TAB2: variants seen among roughly 807,000 people sequenced by gnomAD.
TAB2 encodes the protein TGF-beta-activated kinase 1 and MAP3K7-binding protein 2.
TAB2 carries 3 observed loss-of-function variants against 65.0 expected under a neutral mutation model. The ratio of observed to expected loss-of-function variants is 0.05; its 90% CI spans 0.02 to 0.12. The LOEUF is 0.12. Among genes scored for constraint, TAB2 ranks in the 10% least tolerant of loss-of-function variants. The probability of loss-of-function intolerance (pLI) is 1.00; values close to 1 mark genes in which losing one functional copy is unlikely to be tolerated. For missense variants in TAB2, 623 were observed against 840.3 expected (o/e 0.74, Z 3.20); for synonymous variants, 298 against 285.1 (o/e 1.05, Z -0.46).
At chr6:149,281,962 C>T (rs1381593717) in intron 1 of TAB2, among the ~76,000 whole-genome samples, 1 of 152,066 alleles carries the variant, frequency 6.6e-6, no homozygotes, top group African/African-American at 2.4e-5. Flanking sequence ...TGATCAATTA[C>T]ATTTATGCAT....
chr6:149,318,273 C>G (rs1186239036), intron 1 of TAB2, among the ~76,000 whole-genome samples: 4 of 146,082 alleles, frequency 2.7e-5, no homozygotes, highest in South Asian at 4.5e-4. Flanking sequence ...GGCGTCCGTG[C>G]GGGGGGGGAG....
At chr6:149,241,030 T>C (rs1777587248) in intron 1 of TAB2, among the ~76,000 whole-genome samples, 1 of 151,830 alleles carries the variant, frequency 6.6e-6, no homozygotes, top group African/African-American at 2.4e-5. Flanking sequence ...CACCAAGAGC[T>C]CTCTCACTCT....
intron 1 of TAB2, among the ~76,000 whole-genome samples, chr6:149,325,601 C>A (rs773747584): frequency 1.3e-5 from 2 of 152,094 alleles, no homozygotes; most frequent in African/African-American, 2.4e-5. Flanking sequence ...GTCCACAAAT[C>A]TATAATATAG....
chr6:149,383,356 T>A (rs561468919), intron 3 of TAB2, among the ~76,000 whole-genome samples: 1 of 152,298 alleles, frequency 6.6e-6, no homozygotes, highest in African/African-American at 2.4e-5. Context: ...CTCAAATTGC[T>A]TAACAGCCTT....
chr6:149,356,825 T>C (rs1212958678), intron 1 of TAB2, among the ~76,000 whole-genome samples: 1 of 152,236 alleles, frequency 6.6e-6, no homozygotes, highest in Admixed American at 6.5e-5. Context: ...GTGTGGAATT[T>C]AGGATTTTGT....
chr6:149,334,704 G>A (rs1303710681), intron 1 of TAB2, among the ~76,000 whole-genome samples: 13 of 151,852 alleles, frequency 8.6e-5, no homozygotes, highest in African/African-American at 2.4e-4. Context: ...AACCTTAAGA[G>A]TAGAACAAGC....
At chr6:149,234,571 AC>A (rs1777461191) in intron 1 of TAB2, among the ~76,000 whole-genome samples, 1 of 152,144 alleles carries the variant, frequency 6.6e-6, no homozygotes, top group South Asian at 2.1e-4. Flanking sequence ...ACAGTTGCCC[AC>A]CTCCTGCCGC....
At chr6:149,275,393 G>T (rs1030803233) in intron 1 of TAB2, among the ~76,000 whole-genome samples, 1 of 152,060 alleles carries the variant, frequency 6.6e-6, no homozygotes, top group African/African-American at 2.4e-5. Context: ...GTCAAGGCAG[G>T]AACAACTTGA....
At chr6:149,279,658 A>G (rs576887812) in intron 1 of TAB2, among the ~76,000 whole-genome samples, 47 of 152,286 alleles carry the variant, frequency 3.1e-4, no homozygotes, top group African/African-American at 1.1e-3. Context: ...TCTGGCCTGA[A>G]ATGCCAATTT....
At position 149,285,852 on chromosome 6, in the gene TAB2, T is replaced by C. The variant is rs78465209; in HGVS notation, c.-121+67076T>C. On this transcript the variant is annotated intron_variant, in intron 1 of 1. Coordinates refer to the TAB2 transcript ENST00000606202. ...TGGATTGCTGGCACCTCCCTGGAGT[T>C]TCTGATTCATGAGGTCATGGGGCCT... Among the ~76,000 whole-genome samples the C allele has an allele frequency of 6.2e-3, 947 of 152,232 alleles. 13 individuals are homozygous for C. Among genetic ancestry groups the C allele is most frequent in the African/African-American group, 0.022 (895 of 41,546 alleles).
Position 149,289,394 on chromosome 6 carries a change from T to TAA in TAB2, c.-121+70629_-121+70630dup, listed in dbSNP as rs35631773. Among the ~76,000 whole-genome samples, 201 of 146,764 alleles carry TAA rather than the reference T, an allele frequency of 1.4e-3. 2 individuals carry two copies. The highest frequency in any genetic ancestry group is 4.0e-3 in the African/African-American group (159 of 40,028). On this transcript the variant is annotated intron_variant, in intron 1 of 1. Transcript: ENST00000606202. ...GAGTGACATAGCAAGACCCTGTCTC[T>TAA]AAAAAAAAAAAAGGCCAAAGTCCTT...
At chr6:149,228,964 C>T (rs950309908) in intron 1 of TAB2, among the ~76,000 whole-genome samples, 3 of 152,126 alleles carry the variant, frequency 2.0e-5, no homozygotes, top group African/African-American at 7.2e-5. Flanking sequence ...AGAGAGGGCA[C>T]AGTGACCCCT....
chr6:149,372,497 T>G (rs1020662494), intron 2 of TAB2: 1 of 152,148 alleles, frequency 6.6e-6, no homozygotes, highest in Non-Finnish European at 1.5e-5. Flanking sequence ...ATAAAATAAT[T>G]AAGCTTTAAC....
intron 1 of TAB2, among the ~76,000 whole-genome samples, chr6:149,277,477 G>C (rs1224698162): frequency 2.0e-5 from 3 of 151,834 alleles, no homozygotes; most frequent in African/African-American, 7.3e-5. Flanking sequence ...GATAGAAATT[G>C]GTTCATAAAT....
intron 1 of TAB2, among the ~76,000 whole-genome samples, chr6:149,351,619 G>A (rs1465298949): frequency 6.6e-6 from 1 of 152,104 alleles, no homozygotes; most frequent in Non-Finnish European, 1.5e-5. Flanking sequence ...CTCCTATGAA[G>A]TAGCTACTCT....
chr6:149,282,734 T>C (rs991756297), intron 1 of TAB2, among the ~76,000 whole-genome samples: 1 of 152,182 alleles, frequency 6.6e-6, no homozygotes, highest in Non-Finnish European at 1.5e-5. Context: ...CAAATATGAA[T>C]TCAACAGCAA....
intron 1 of TAB2, among the ~76,000 whole-genome samples, chr6:149,250,954 C>T (rs904220792): frequency 2.0e-5 from 3 of 152,166 alleles, no homozygotes; most frequent in Admixed American, 6.5e-5. Context: ...TCCGAAACCT[C>T]GCTCACTCAC....
intron 1 of TAB2, among the ~76,000 whole-genome samples, chr6:149,254,199 C>T (rs2114660050): frequency 6.6e-6 from 1 of 152,034 alleles, no homozygotes; most frequent in East Asian, 1.9e-4. Flanking sequence ...TTCTGATGAC[C>T]AAATACGCTC....
intron 1 of TAB2, among the ~76,000 whole-genome samples, chr6:149,284,130 T>A (rs957411524): frequency 3.9e-5 from 6 of 152,174 alleles, no homozygotes; most frequent in Non-Finnish European, 7.4e-5. Context: ...CCAAAGCTCT[T>A]AGACACAGGG....
Sources: allele counts gnomAD v4.1 joint callset (sites outside exome capture counted in the v4.1 genomes callset), GRCh38; gene constraint gnomAD v4.1.1; transcripts MANE v1.5; gene names NCBI Gene and HGNC (gene_info 2026-07-23, HGNC 2026-07-21).